Variants in TRPM5 observed in about 807,000 individuals in gnomAD.
TRPM5 encodes the protein MLSN1 and TRP-related.
A neutral mutation model predicts 124.9 loss-of-function variants in TRPM5; 121 were observed. That is an observed-to-expected ratio of 0.97 (90% CI 0.84 to 1.13). TRPM5 has a LOEUF of 1.13. Among genes scored for constraint, TRPM5 ranks in the 50% most tolerant of loss-of-function variants. TRPM5 has a pLI of 0.00. For missense variants in TRPM5, 1,643 were observed against 1,589.1 expected (o/e 1.03, Z -0.58); for synonymous variants, 781 against 700.5 (o/e 1.11, Z -1.81).
chr11:2,417,654 G>T lies in TRPM5; in HGVS notation c.1009+73C>A, dbSNP rs535622008. On this transcript the variant is annotated intron_variant, in intron 7 of 23. Transcript: ENST00000155858. ...GAGCGTCACAAACATTGGCCAGGCT[G>T]CCAAACCCCAAAGCGGCTCTGAGCA... 4 of 1,275,386 alleles carry T rather than the reference G, an allele frequency of 3.1e-6. No homozygotes were observed. The East Asian group carries it at 7.7e-5, about 24-fold the overall frequency. 79.0% of individuals were successfully genotyped at this position (1,275,386 alleles called of 1,614,324 possible). A position where few individuals can be genotyped will look rare whatever the true frequency, so the allele number is the denominator to read the frequency against.
Position 2,421,170 on chromosome 11 carries a change from G to A in TRPM5, c.327C>T (p.Arg109=), listed in dbSNP as rs999259537. ...GCCCGACATGCCTGGCCAGGCCCAC[G>A]CGGAGGGCACTGGTCAGGATCCAGG... is the stretch of plus-strand genomic sequence containing the variant. The change falls in exon 3 of 24, where the codon CGC becomes CGT. Residue 109 remains arginine, a synonymous_variant. Coordinates refer to ENST00000155858, the Ensembl canonical transcript of TRPM5. The A allele has an allele frequency of 9.1e-6, 14 of 1,541,104 alleles. No individual in the cohort carries two copies. The African/African-American group carries it at 1.1e-4, about 12-fold the overall frequency.
intron 2 of TRPM5, 37 bp from the exon 8 acceptor site, chr11:2,421,235 C>T: frequency 1.3e-6 from 2 of 1,518,254 alleles, no homozygotes; most frequent in Admixed American, 2.2e-5. Context: ...GTGCCGCACG[C>T]CCCAGGTCTT....
intron 11 of TRPM5, among the ~76,000 whole-genome samples, chr11:2,414,456 T>G (rs1420569835): frequency 2.0e-5 from 3 of 152,206 alleles, no homozygotes; most frequent in Non-Finnish European, 4.4e-5. Flanking sequence ...TCCCTCGTCC[T>G]GCGGCAGGGC....
chr11:2,420,982 C>T, intron 3 of TRPM5, 50 bp downstream of exon 8: 1 of 1,495,994 alleles, frequency 6.7e-7, no homozygotes, highest in Non-Finnish European at 8.9e-7. Context: ...CCTTCTGAGC[C>T]CCTGCCTCCA....
exon 18 of TRPM5, chr11:2,411,505 G>A (rs1565008605): frequency 6.2e-7 from 1 of 1,609,360 alleles, no homozygotes; most frequent in Non-Finnish European, 8.5e-7. Flanking sequence ...AGAAAGAAGA[G>A]GAAGAAGAAG....
rs182594537 is a variant in TRPM5, at chr11:2,405,904, T to C, written c.3324+115A>G. The stretch of plus-strand genomic sequence containing the variant: ...TCTGCCCACTGGGGTGCTCCTGTCC[T>C]GGCTCTGGCCTGCCTCATCTCTGTG... On this transcript the variant is annotated intron_variant, in intron 22 of 23. Transcript: ENST00000155858. 1.1e-3 allele frequency: 1,135 copies of C among 1,003,376 alleles called. 21 individuals carry two copies. In the East Asian group the frequency reaches 0.025, roughly 22 times the overall value. 62.2% of individuals were successfully genotyped at this position (1,003,376 alleles called of 1,614,324 possible).
At chr11:2,424,183 C>T (rs1257776780), upstream of TRPM5, among the ~76,000 whole-genome samples, 1 of 152,268 alleles carries the variant, frequency 6.6e-6, no homozygotes, top group Non-Finnish European at 1.5e-5. Context: ...GTGTCCACCA[C>T]AGAAGCCCTT....
the TRPM5 span, among the ~76,000 whole-genome samples, chr11:2,436,492 G>A: frequency 5.3e-5 from 8 of 152,242 alleles, no homozygotes; most frequent in South Asian, 6.2e-4. Context: ...CCTGTCACAC[G>A]TCCCGGACAG....
the TRPM5 span, among the ~76,000 whole-genome samples, chr11:2,439,760 C>T: frequency 2.0e-5 from 3 of 152,202 alleles, no homozygotes; most frequent in Non-Finnish European, 2.9e-5. Context: ...CTGTGGAAAG[C>T]AGTTTGGAGA....
chr11:2,414,584 G>A, intron 11 of TRPM5, 131 bp downstream of exon 16: 1 of 1,296,690 alleles, frequency 7.7e-7, no homozygotes, highest in South Asian at 1.6e-5. Flanking sequence ...TCCTATGGAG[G>A]AGGCCCCTGA....
intron 18 of TRPM5, among the ~76,000 whole-genome samples, chr11:2,411,014 C>T (rs1850433807): frequency 6.6e-6 from 1 of 152,136 alleles, no homozygotes. Context: ...CCTTCCCCAC[C>T]GATAGACCAC....
chr11:2,443,605 G>A, the TRPM5 span, among the ~76,000 whole-genome samples: 1 of 152,184 alleles, frequency 6.6e-6, no homozygotes, highest in Admixed American at 6.5e-5. The surrounding 1 kb of genome is among the most constrained non-coding windows in gnomAD (Gnocchi z 5.0). Flanking sequence ...CAAGGGCCTG[G>A]GCTGGACTCC....
intron 22 of TRPM5, 92 bp from the exon 28 acceptor site, chr11:2,405,685 C>G (rs1242740539): frequency 1.5e-6 from 2 of 1,360,448 alleles, no homozygotes; most frequent in Non-Finnish European, 2.0e-6. Flanking sequence ...CCTGCCAGGG[C>G]CCCCGCTGCC....
intron 19 of TRPM5, 103 bp downstream of exon 24, chr11:2,407,656 C>G (rs551606412): frequency 6.8e-7 from 1 of 1,463,374 alleles, no homozygotes. Flanking sequence ...AAGCCTCACC[C>G]TCTGCAGCAC....
upstream of TRPM5, among the ~76,000 whole-genome samples, chr11:2,426,473 C>A (rs1037652774): frequency 6.6e-6 from 1 of 152,092 alleles, no homozygotes; most frequent in African/African-American, 2.4e-5. Context: ...CCCGGGACAG[C>A]CAGGGGCCAT....
In TRPM5 at chr11:2,421,215, G is replaced by A. The variant is rs1459908771; in HGVS notation, c.299-17C>T. 3.9e-6 allele frequency: 6 copies of A among 1,529,840 alleles called. No homozygotes were observed. The highest frequency in any genetic ancestry group is 2.8e-5 in the African/African-American group (2 of 71,664). 94.8% of individuals were successfully genotyped at this position (1,529,840 alleles called of 1,614,324 possible). A position where few individuals can be genotyped will look rare whatever the true frequency, so the allele number is the denominator to read the frequency against. On this transcript the variant is annotated splice_polypyrimidine_tract_variant and intron_variant, in intron 2 of 23. Coordinates refer to ENST00000155858, the Ensembl canonical transcript of TRPM5. ...TCCAGGCTCCTGTGGGGATGGAAGA[G>A]GGCCTCGTTGTGCCGCACGCCCCAG...
intron 7 of TRPM5, 143 bp from the exon 13 acceptor site, chr11:2,416,167 T>G (rs1260974325): frequency 6.6e-6 from 4 of 608,580 alleles, no homozygotes; most frequent in Non-Finnish European, 8.8e-6. Context: ...ATGCGCCACC[T>G]CTGAGCACCA....
intron 1 of TRPM5, 87 bp downstream of exon 6, chr11:2,422,833 T>C (rs201894092): frequency 8.5e-7 from 1 of 1,182,774 alleles, no homozygotes; most frequent in Non-Finnish European, 1.3e-6. Flanking sequence ...AGGAGGACCC[T>C]GGCACTCAGC....
Position 2,412,127 on chromosome 11 carries a change from CCA to C in TRPM5, c.2474+6_2474+7del, listed in dbSNP as rs779256189. 1.9e-6 allele frequency: 3 copies of C among 1,611,018 alleles called. No individual in the cohort carries two copies. The African/African-American group carries it at 4.0e-5, about 22-fold the overall frequency. ...CCTGAGGCCACACGGCCTCTGGGCC[CCA>C]CAGACCTGCAGGTGACACCCACGAT... On this transcript the variant is annotated splice_donor_region_variant and intron_variant, in intron 16 of 23. Transcript: ENST00000155858.
Sources: allele counts gnomAD v4.1 joint callset (sites outside exome capture counted in the v4.1 genomes callset), GRCh38; gene constraint gnomAD v4.1.1; non-coding constraint Gnocchi (gnomAD v3.1); transcripts MANE v1.5; gene names NCBI Gene and HGNC (gene_info 2026-07-23, HGNC 2026-07-21).